Variants in VWA3A observed in about 807,000 individuals in gnomAD.
VWA3A encodes the protein von Willebrand factor A domain containing 3A.
VWA3A carries 134 observed loss-of-function variants against 160.4 expected under a neutral mutation model. The observed-to-expected ratio is 0.84, with a 90% CI of 0.73 to 0.96. VWA3A has a LOEUF of 0.96. Ranked by LOEUF, VWA3A falls within the 40% of genes least tolerant of loss-of-function variation. The pLI is 0.00. For synonymous variants in VWA3A, 476 were observed against 543.4 expected (o/e 0.88, Z 1.72); for missense variants, 1,310 against 1,447.9 (o/e 0.90, Z 1.55).
rs374423811 is a variant in VWA3A at position 22,115,918 on chromosome 16, G to GAAGGA, written c.815+463_815+467dup. On this transcript the variant is annotated intron_variant, in intron 9 of 33. Transcript: ENST00000389398. Reference sequence around the variant, plus strand: ...GGAAGGAAGGAAGGAAGGAAGGAAGGAAGGAAAGGAAAGGAAAGGAAGGGA... The same window carrying GAAGGA: ...GGAAGGAAGGAAGGAAGGAAGGAAGGAAGGAAAGGAAAGGAAAGGAAAGGAAGGGA... Among the ~76,000 whole-genome samples the GAAGGA allele has an allele frequency of 4.5e-3, 140 of 31,370 alleles. 5 individuals are homozygous for GAAGGA. The highest frequency in any genetic ancestry group is 0.013 in the South Asian group (5 of 378). 20.6% of individuals were successfully genotyped at this position (31,370 alleles called of 152,430 possible). A position where few individuals can be genotyped will look rare whatever the true frequency, so the allele number is the denominator to read the frequency against.
chr16:22,142,545 C>G, intron 24 of VWA3A, 123 bp from the exon 25 acceptor site: 2 of 688,824 alleles, frequency 2.9e-6, no homozygotes, highest in South Asian at 1.7e-5. Flanking sequence ...ATGAGGGATC[C>G]GTTCCCATGA....
At position 22,128,267 on chromosome 16, in the gene VWA3A, G is replaced by A. The variant is rs2045886847; in HGVS notation, c.1652+1970G>A. Among the ~76,000 whole-genome samples, 4 of 152,204 alleles carry A rather than the reference G, an allele frequency of 2.6e-5. No individual in the cohort carries two copies. The South Asian group carries it at 8.3e-4, about 32-fold the overall frequency. On this transcript the variant is annotated intron_variant, in intron 17 of 33. Coordinates refer to ENST00000389398, the MANE Select transcript of VWA3A (RefSeq NM_173615.5). Reference sequence around the variant, plus strand: ...CGGGTTTGCGTCTTCAAATGCTCAAGCAATGCTGTGAAGGAGGAACTGAAG... The same window carrying A: ...CGGGTTTGCGTCTTCAAATGCTCAAACAATGCTGTGAAGGAGGAACTGAAG...
intron 26 of VWA3A, 22 bp from the exon 27 acceptor site, chr16:22,146,214 G>T (rs559520215): frequency 6.3e-7 from 1 of 1,596,162 alleles, no homozygotes; most frequent in African/African-American, 1.3e-5. Flanking sequence ...GTGGGTGCTT[G>T]CCTCTGCTTG....
chr16:22,152,389 G>A, intron 30 of VWA3A, 122 bp from the exon 31 acceptor site: 1 of 1,303,818 alleles, frequency 7.7e-7, no homozygotes, highest in Non-Finnish European at 1.0e-6. Context: ...ACAAGCCACG[G>A]CCCATTGCCA....
chr16:22,128,444 G>A (rs34183299), intron 17 of VWA3A, among the ~76,000 whole-genome samples: 2,853 of 152,262 alleles, frequency 0.019, 52 homozygotes, highest in Admixed American at 0.043. Context: ...AGGTGCTGGC[G>A]AGGTAGCAGA....
At chr16:22,098,316 T>A (rs2045356103) in intron 3 of VWA3A, among the ~76,000 whole-genome samples, 1 of 152,150 alleles carries the variant, frequency 6.6e-6, no homozygotes, top group Non-Finnish European at 1.5e-5. Context: ...ATGCTGGCAA[T>A]TAAACAATCA....
At chr16:22,150,001 G>A (rs1372583032) in intron 29 of VWA3A, 70 bp downstream of exon 29, 5 of 1,488,496 alleles carry the variant, frequency 3.4e-6, no homozygotes, top group African/African-American at 2.8e-5. Context: ...GATGCTGCAC[G>A]ATGCTTTAGG....
chr16:22,121,422 T>C (rs369482943), intron 13 of VWA3A, 92 bp from the exon 14 acceptor site: 30 of 1,063,122 alleles, frequency 2.8e-5, no homozygotes, highest in East Asian at 2.1e-4. Context: ...CTAGCCTGGG[T>C]GACAGAGCAA....
intron 8 of VWA3A, among the ~76,000 whole-genome samples, chr16:22,111,853 G>A (rs2045556680): frequency 6.6e-6 from 1 of 152,166 alleles, no homozygotes; most frequent in Admixed American, 6.5e-5. Flanking sequence ...CTGGCCTCAA[G>A]TGCTCTTCCA....
intron 13 of VWA3A, 44 bp downstream of exon 13, chr16:22,121,147 C>A (rs2045727768): frequency 6.2e-7 from 1 of 1,612,926 alleles, no homozygotes; most frequent in Admixed American, 1.7e-5. Flanking sequence ...AGGTGACTGA[C>A]TAAAAGGCTT....
rs2045689623 is a variant in VWA3A, at chr16:22,118,959, C to T, written c.1048C>T (p.Leu350Phe). 1 of 1,613,854 alleles carries T rather than the reference C, an allele frequency of 6.2e-7. No individual in the cohort carries two copies. The highest frequency in any genetic ancestry group is 8.5e-7 in the Non-Finnish European group (1 of 1,179,886). ...GGCAGAAATTCAGAAGGCCCAGAGC[C>T]TCCTCAGCCACGTGCAAGCCCTGCA... ...LLAEIQKAQS[L>F]LSHVQALQHS... is the part of the protein sequence containing the mutation. Residue 350 changes from leucine to phenylalanine, a missense_variant, in exon 12 of 34, where the codon CTC (leucine) becomes TTC (phenylalanine). Physicochemically the swap from Leu to Phe is conservative, Grantham distance 22. Coordinates refer to ENST00000389398, the MANE Select transcript of VWA3A (RefSeq NM_173615.5).
intron 1 of VWA3A, 141 bp downstream of exon 1, chr16:22,092,792 A>AGCCC: frequency 5.5e-6 from 6 of 1,085,712 alleles, no homozygotes; most frequent in Non-Finnish European, 7.8e-6. Context: ...GCATTGGGCT[A>AGCCC]AATGCTGGGG....
intron 29 of VWA3A, among the ~76,000 whole-genome samples, 175 bp from the exon 30 acceptor site, chr16:22,150,520 C>A (rs1300969752): frequency 1.3e-5 from 2 of 152,222 alleles, no homozygotes; most frequent in African/African-American, 2.4e-5. Flanking sequence ...ACCTCAGCAG[C>A]TTCCTTAGTC....
intron 27 of VWA3A, among the ~76,000 whole-genome samples, chr16:22,146,699 G>T (rs1263199271): frequency 1.3e-5 from 2 of 151,900 alleles, no homozygotes; most frequent in East Asian, 3.9e-4. Flanking sequence ...CAGGAAAATC[G>T]CAGAGGTTGC....
chr16:22,123,992 T>G (rs929349632), intron 16 of VWA3A, among the ~76,000 whole-genome samples: 3 of 151,864 alleles, frequency 2.0e-5, no homozygotes, highest in African/African-American at 7.3e-5. Context: ...CTGGGCAACA[T>G]AGTGAGACCC....
At position 22,142,758 on chromosome 16, in the gene VWA3A, G is replaced by A. The variant is rs1249339409; in HGVS notation, c.2585G>A (p.Ser862Asn). 1.3e-6 allele frequency: 2 copies of A among 1,566,502 alleles called. No individual in the cohort carries two copies. The highest frequency in any genetic ancestry group is 1.7e-6 in the Non-Finnish European group (2 of 1,154,698). Residue 862 changes from serine (S) to asparagine (N), a missense_variant, in exon 25 of 34, where the codon AGC becomes AAC. Coordinates refer to ENST00000389398, the MANE Select transcript of VWA3A (RefSeq NM_173615.5). ...CCCAGAAAGGATACAGTTTGCTCAA[G>A]CCAAGAGGTATTAAGTCACCCATAC... ...DLPRKDTVCS[S>N]QEWVAKYGLK...
intron 17 of VWA3A, 71 bp from the exon 18 acceptor site, chr16:22,131,134 A>G: frequency 6.9e-7 from 1 of 1,455,990 alleles, no homozygotes; most frequent in East Asian, 2.3e-5. Flanking sequence ...AAAAGCCTGC[A>G]AAGCCCAAAG....
At position 22,156,227 on chromosome 16, in the gene VWA3A, C is replaced by T. The variant is rs1435907281; in HGVS notation, c.*210C>T. On this transcript the variant is annotated 3_prime_UTR_variant, in exon 34 of 34. Transcript: ENST00000389398. ...CTAACTCTCCAGCCCTGTCCCGCAGCGCACTCTACTCTCCAGCCACTAGAT... is the reference window on the plus strand; with the variant it reads ...CTAACTCTCCAGCCCTGTCCCGCAGTGCACTCTACTCTCCAGCCACTAGAT... 1.6e-5 allele frequency: 5 copies of T among 320,418 alleles called. No homozygotes were observed. Among genetic ancestry groups the T allele is most frequent in the South Asian group, 3.9e-5 (1 of 25,328 alleles). The allele number at this position is 320,418 out of a possible 1,614,324, so 19.8% of individuals were successfully genotyped here.
intron 5 of VWA3A, among the ~76,000 whole-genome samples, chr16:22,101,196 G>C (rs1032143537): frequency 1.3e-5 from 2 of 151,394 alleles, no homozygotes; most frequent in Non-Finnish European, 2.9e-5. Flanking sequence ...GTTCGAGGCT[G>C]CAGTGAGCTA....
Sources: gnomAD v4.1 joint callset for allele counts (sites outside exome capture counted in the v4.1 genomes callset) on GRCh38, gnomAD v4.1.1 for gene constraint, MANE v1.5 for transcripts, NCBI Gene and HGNC (gene_info 2026-07-23, HGNC 2026-07-21) for gene names.